The following SMCHD1 variants were observed in gnomAD, a reference collection of about 807,000 sequenced individuals.
SMCHD1 encodes structural maintenance of chromosomes flexible hinge domain containing 1.
Under a neutral mutation model 254.7 loss-of-function variants are expected in SMCHD1, and 78 were observed. The observed-to-expected ratio is 0.31, with a 90% CI of 0.26 to 0.37. The LOEUF (loss-of-function observed/expected upper bound fraction) is 0.37, where lower values mean the gene tolerates loss of function less well. Among genes scored for constraint, SMCHD1 ranks in the 10% least tolerant of loss-of-function variants. The pLI is 1.00. For missense variants in SMCHD1, 1,840 were observed against 2,408.1 expected, an observed-to-expected ratio of 0.76 and a Z score of 4.94; for synonymous variants, 766 against 794.9, an observed-to-expected ratio of 0.96 and a Z score of 0.61.
chr18:2,774,617 G>T (rs1439304979), intron 41 of SMCHD1, among the ~76,000 whole-genome samples: 1 of 152,088 alleles, frequency 6.6e-6, no homozygotes, highest in African/African-American at 2.4e-5. Flanking sequence ...TCGTGATGTT[G>T]CCCAAGCTGG....
At chr18:2,748,380 G>GTA (rs200345949) in intron 30 of SMCHD1, among the ~76,000 whole-genome samples, 14,579 of 80,194 alleles carry the variant, frequency 0.18, 2,848 homozygotes, top group South Asian at 0.34. Context: ...GTGTGTGTGT[G>GTA]TGTATATAAA....
chr18:2,732,205 C>T, intron 24 of SMCHD1, 60 bp from the exon 25 acceptor site: 1 of 1,289,980 alleles, frequency 7.8e-7, no homozygotes, highest in South Asian at 1.3e-5. Flanking sequence ...GTAAATTCTT[C>T]AGGAGTGTAA....
chr18:2,755,485 G>T (rs1418452765), intron 34 of SMCHD1, among the ~76,000 whole-genome samples: 1 of 151,010 alleles, frequency 6.6e-6, no homozygotes, highest in Non-Finnish European at 1.5e-5. Context: ...AGATTCTTTG[G>T]GATTTAAGAA....
intron 3 of SMCHD1, among the ~76,000 whole-genome samples, chr18:2,672,273 C>G (rs1003862262): frequency 1.3e-5 from 2 of 152,142 alleles, no homozygotes; most frequent in South Asian, 4.1e-4. Flanking sequence ...GTTGCCCAGG[C>G]TGGAGTGCAG....
chr18:2,659,929 TG>T (rs2073197277), intron 1 of SMCHD1, among the ~76,000 whole-genome samples: 1 of 152,200 alleles, frequency 6.6e-6, no homozygotes, highest in Non-Finnish European at 1.5e-5. Flanking sequence ...AATTACCTGT[TG>T]TTCAGAGATA....
chr18:2,679,480 C>CAAAAAAAAAAAACA (rs2073873016), intron 5 of SMCHD1, among the ~76,000 whole-genome samples: 1 of 58,676 alleles, frequency 1.7e-5, no homozygotes, highest in Non-Finnish European at 3.9e-5. Context: ...ACTCCATCTC[C>CAAAAAAAAAAAACA]AAAAAAAAAA....
chr18:2,749,697 T>C (rs1469509840), intron 30 of SMCHD1, among the ~76,000 whole-genome samples: 1 of 152,218 alleles, frequency 6.6e-6, no homozygotes, highest in Non-Finnish European at 1.5e-5. Flanking sequence ...CAGTCCCCTA[T>C]ACCTGCCCCA....
intron 7 of SMCHD1, among the ~76,000 whole-genome samples, chr18:2,689,852 T>TAAAAA (rs1167921048): frequency 1.1e-4 from 8 of 72,516 alleles, no homozygotes; most frequent in Non-Finnish European, 1.3e-4. Flanking sequence ...TTGTCTCTAC[T>TAAAAA]AAAAAAAAAA....
At chr18:2,695,393 A>G (rs1461044143) in intron 8 of SMCHD1, among the ~76,000 whole-genome samples, 1 of 148,574 alleles carries the variant, frequency 6.7e-6, no homozygotes, top group Non-Finnish European at 1.5e-5. Context: ...CACTGCAACC[A>G]CCACCTCCTG....
intron 1 of SMCHD1, 51 bp downstream of exon 1, chr18:2,656,312 G>A (rs183389159): frequency 2.9e-6 from 4 of 1,391,538 alleles, no homozygotes; most frequent in East Asian, 2.8e-5. Context: ...GGGGCGGGAG[G>A]GTGATGAGAA....
At chr18:2,786,578 G>A (rs1392001384) in intron 45 of SMCHD1, among the ~76,000 whole-genome samples, 1 of 152,016 alleles carries the variant, frequency 6.6e-6, no homozygotes, top group Non-Finnish European at 1.5e-5. Context: ...TGTTGTCCCA[G>A]CTACTCACGA....
At chr18:2,752,071 A>G (rs1374082840) in intron 33 of SMCHD1, among the ~76,000 whole-genome samples, 1 of 152,168 alleles carries the variant, frequency 6.6e-6, no homozygotes, top group Non-Finnish European at 1.5e-5. Context: ...CAGATCTGAA[A>G]TAAATCTAAA....
intron 10 of SMCHD1, 134 bp from the exon 11 acceptor site, chr18:2,700,405 A>G (rs2074375177): frequency 4.3e-6 from 4 of 937,418 alleles, no homozygotes; most frequent in East Asian, 5.4e-5. Context: ...TTGTAAACCT[A>G]CCTTTTTGTG....
intron 39 of SMCHD1, 22 bp downstream of exon 39, chr18:2,770,130 A>G (rs748125486): frequency 6.3e-7 from 1 of 1,593,404 alleles, no homozygotes; most frequent in Non-Finnish European, 8.5e-7. Context: ...TGTATTCAAG[A>G]CAAAAATTAT....
intron 30 of SMCHD1, among the ~76,000 whole-genome samples, chr18:2,748,840 A>T (rs2075518999): frequency 6.6e-6 from 1 of 152,154 alleles, no homozygotes; most frequent in Non-Finnish European, 1.5e-5. Flanking sequence ...AATAAATATA[A>T]ATGTAATGGA....
intron 25 of SMCHD1, among the ~76,000 whole-genome samples, chr18:2,738,026 T>G (rs2143527281): frequency 6.6e-6 from 1 of 152,328 alleles, no homozygotes; most frequent in African/African-American, 2.4e-5. Context: ...ATTGAAAGCT[T>G]TCCCATAAAT....
chr18:2,718,247 T>G lies in SMCHD1; in HGVS notation c.2338+12T>G. On this transcript the variant is annotated intron_variant, in intron 18 of 47. Transcript: ENST00000320876. The surrounding 1 kb of genome is among the most constrained non-coding windows in gnomAD (Gnocchi z 4.6). ...GTTTAAAAAAATGGGTGAGTTCTTA[T>G]TCTGAATGTTAAAAAATACATTGGT... 2 of 1,611,902 alleles carry G rather than the reference T, an allele frequency of 1.2e-6. No homozygotes were observed. Among genetic ancestry groups the G allele is most frequent in the Non-Finnish European group, 1.7e-6 (2 of 1,178,728 alleles).
rs559088136 is a variant in SMCHD1, at chr18:2,749,994, TG to T, written c.3928-48del. On this transcript the variant is annotated intron_variant, in intron 30 of 47. Coordinates refer to ENST00000320876, the MANE Select transcript of SMCHD1 (RefSeq NM_015295.3). ...TTGTAATGGAAGAAAAGAACTTGAT[TG>T]ATCTCTAGAATTTTCTAATTAACCA... 9 of 1,459,458 alleles carry T rather than the reference TG, an allele frequency of 6.2e-6. No homozygotes were observed. In the East Asian group the frequency reaches 2.0e-4, roughly 32 times the overall value. The allele number at this position is 1,459,458 out of a possible 1,614,324, so 90.4% of individuals were successfully genotyped here.
At chr18:2,690,347 CTTAT>C (rs1458999457) in intron 7 of SMCHD1, among the ~76,000 whole-genome samples, 2 of 152,090 alleles carry the variant, frequency 1.3e-5, no homozygotes, top group African/African-American at 2.4e-5. Context: ...GAGCATTTGG[CTTAT>C]TTAAAGGATT....
Sources: allele counts gnomAD v4.1 joint callset (sites outside exome capture counted in the v4.1 genomes callset), GRCh38; gene constraint gnomAD v4.1.1; non-coding constraint Gnocchi (gnomAD v3.1); transcripts MANE v1.5; gene names NCBI Gene and HGNC (gene_info 2026-07-23, HGNC 2026-07-21).